The following NEO1 variants were observed in gnomAD, a reference collection of about 807,000 sequenced individuals.
The protein encoded by NEO1 is neogenin 1, also known as neogenin.
NEO1 carries 63 observed loss-of-function variants against 159.7 expected under a neutral mutation model. That is an observed-to-expected ratio of 0.39 (90% CI 0.32 to 0.49). NEO1 has a LOEUF of 0.49. Ranked by LOEUF, NEO1 falls within the 20% of genes least tolerant of loss-of-function variation. NEO1 has a pLI of 0.85. For missense variants in NEO1, 1,615 were observed against 1,831.0 expected (o/e 0.88, Z 2.15); for synonymous variants, 633 against 662.0 (o/e 0.96, Z 0.67).
intron 7 of NEO1, among the ~76,000 whole-genome samples, chr15:73,208,472 AT>A (rs926754600): frequency 3.3e-5 from 5 of 151,992 alleles, no homozygotes; most frequent in African/African-American, 1.2e-4. Context: ...GTAGAACTTT[AT>A]TTTTTTTAAA....
chr15:73,282,347 C>G (rs1049772074), intron 22 of NEO1, among the ~76,000 whole-genome samples: 1 of 152,178 alleles, frequency 6.6e-6, no homozygotes, highest in African/African-American at 2.4e-5. Context: ...ACCATTGCAC[C>G]TTAGTACCTA....
intron 8 of NEO1, among the ~76,000 whole-genome samples, chr15:73,241,280 C>T (rs1446731953): frequency 1.3e-5 from 2 of 152,140 alleles, no homozygotes; most frequent in Non-Finnish European, 2.9e-5. Flanking sequence ...GGATTGAAGC[C>T]TTAGAGATCT....
chr15:73,129,400 T>TAA (rs962448363), intron 4 of NEO1, among the ~76,000 whole-genome samples: 11 of 148,290 alleles, frequency 7.4e-5, no homozygotes, highest in African/African-American at 2.0e-4. Flanking sequence ...CTGGATCTAG[T>TAA]AAAAAAAAAA....
chr15:73,300,405 A>G (rs1351418181), intron 27 of NEO1, among the ~76,000 whole-genome samples: 1 of 152,150 alleles, frequency 6.6e-6, no homozygotes, highest in Non-Finnish European at 1.5e-5. Context: ...ATTCAACTCA[A>G]AACTCAAAAC....
intron 13 of NEO1, 125 bp downstream of exon 13, chr15:73,254,954 T>A: frequency 1.9e-6 from 2 of 1,037,540 alleles, no homozygotes; most frequent in Non-Finnish European, 2.7e-6. Context: ...TCAGAAAATT[T>A]TTAATGGTTC....
Position 73,202,902 on chromosome 15 carries a change from C to T in NEO1, c.1291+24475C>T, listed in dbSNP as rs76401464. ...TTATCTGTTTGTGACTGGCTTATTT[C>T]ACTTACCATAATATCCTCAAGGTAC... On this transcript the variant is annotated intron_variant, in intron 7 of 28. Coordinates refer to ENST00000261908, the MANE Select transcript of NEO1 (RefSeq NM_002499.4). Among the ~76,000 whole-genome samples, 1,304 of 152,276 alleles carry T rather than the reference C, an allele frequency of 8.6e-3. 22 individuals are homozygous for T. Among genetic ancestry groups the T allele is most frequent in the African/African-American group, 0.03 (1,232 of 41,542 alleles).
At chr15:73,282,108 G>A (rs563079113) in intron 22 of NEO1, among the ~76,000 whole-genome samples, 1 of 152,134 alleles carries the variant, frequency 6.6e-6, no homozygotes, top group African/African-American at 2.4e-5. Context: ...GCTTGTTCCT[G>A]CCTCAGGGTC....
intron 1 of NEO1, 28 bp from the exon 2 acceptor site, chr15:73,116,512 A>G (rs947048151): frequency 2.7e-6 from 4 of 1,493,612 alleles, no homozygotes; most frequent in Middle Eastern, 1.8e-4. Flanking sequence ...GATTTGCTTA[A>G]CTTTGTTCTT....
At chr15:73,291,132 C>T (rs1039988327) in intron 25 of NEO1, among the ~76,000 whole-genome samples, 8 of 152,032 alleles carry the variant, frequency 5.3e-5, no homozygotes, top group Non-Finnish European at 1.2e-4. Flanking sequence ...GATGGGGTTC[C>T]CAGGTTTAAA....
chr15:73,129,310 A>G (rs2030765083), intron 4 of NEO1, among the ~76,000 whole-genome samples: 1 of 152,224 alleles, frequency 6.6e-6, no homozygotes, highest in Non-Finnish European at 1.5e-5. Context: ...GCCTCAGCTA[A>G]TAAATTATTT....
rs1402082438 is a variant in NEO1, at chr15:73,052,651, G to T, written c.-25G>T. The T allele has an allele frequency of 2.6e-5, 33 of 1,258,984 alleles. No homozygotes were observed. The Middle Eastern group carries it at 1.3e-3, about 48-fold the overall frequency. 78.0% of individuals were successfully genotyped at this position (1,258,984 alleles called of 1,614,324 possible). ...AGGGCTCCGCGGCGCTGTCGCCGCC[G>T]CTGCCGCTCACTCTCGGGGAAGAGA... On this transcript the variant is annotated 5_prime_UTR_variant, in exon 1 of 29. Transcript: ENST00000261908.
At chr15:73,103,066 A>C (rs1379084646) in intron 1 of NEO1, among the ~76,000 whole-genome samples, 1 of 152,030 alleles carries the variant, frequency 6.6e-6, no homozygotes, top group African/African-American at 2.4e-5. Context: ...CTAAAAATTC[A>C]TCATGTCTGC....
chr15:73,244,280 G>A, intron 8 of NEO1, 64 bp from the exon 9 acceptor site: 2 of 1,516,652 alleles, frequency 1.3e-6, no homozygotes, highest in South Asian at 1.3e-5. Context: ...AGTGGAAAAT[G>A]AAACTGTACA....
intron 1 of NEO1, among the ~76,000 whole-genome samples, chr15:73,054,014 T>C (rs1156426512): frequency 6.6e-6 from 1 of 152,200 alleles, no homozygotes; most frequent in Non-Finnish European, 1.5e-5. Flanking sequence ...AAAGTACCAC[T>C]CGGTATTCTC....
At chr15:73,055,160 G>C (rs915641482) in intron 1 of NEO1, among the ~76,000 whole-genome samples, 1 of 152,160 alleles carries the variant, frequency 6.6e-6, no homozygotes, top group Non-Finnish European at 1.5e-5. Flanking sequence ...TTCTGAAAAA[G>C]GGCAGATTAC....
chr15:73,272,902 C>T (rs1368273960), intron 19 of NEO1, among the ~76,000 whole-genome samples: 5 of 150,730 alleles, frequency 3.3e-5, no homozygotes, highest in Admixed American at 6.6e-5. Flanking sequence ...GAATTATATA[C>T]CCCCTCCCTG....
intron 21 of NEO1, among the ~76,000 whole-genome samples, chr15:73,275,289 G>A (rs1047517001): frequency 6.6e-6 from 1 of 152,028 alleles, no homozygotes; most frequent in Non-Finnish European, 1.5e-5. Flanking sequence ...ACTTAATTCA[G>A]AGCTCTTTTT....
chr15:73,145,221 A>G (rs948635450), intron 5 of NEO1, among the ~76,000 whole-genome samples: 28 of 152,234 alleles, frequency 1.8e-4, no homozygotes, highest in African/African-American at 6.8e-4. Flanking sequence ...GTTCAACCCC[A>G]CTAATTGTAT....
intron 1 of NEO1, among the ~76,000 whole-genome samples, chr15:73,083,447 T>A (rs984396404): frequency 2.0e-5 from 3 of 151,954 alleles, no homozygotes; most frequent in Non-Finnish European, 2.9e-5. Flanking sequence ...TATATATATA[T>A]AAAACACAGT....
Sources: allele counts gnomAD v4.1 joint callset (sites outside exome capture counted in the v4.1 genomes callset), GRCh38; gene constraint gnomAD v4.1.1; transcripts MANE v1.5; gene names NCBI Gene and HGNC (gene_info 2026-07-23, HGNC 2026-07-21).